SGCZ: variants seen among roughly 807,000 people sequenced by gnomAD.
The protein encoded by SGCZ is zeta-sarcoglycan.
Under a neutral mutation model 41.3 loss-of-function variants are expected in SGCZ, and 40 were observed. The observed-to-expected ratio is 0.97, with a 90% CI of 0.75 to 1.26. SGCZ has a LOEUF of 1.26. SGCZ is among the 50% of genes most tolerant of loss of function. SGCZ has a pLI of 0.00. For missense variants in SGCZ, 552 were observed against 369.8 expected (o/e 1.49, Z -4.04); for synonymous variants, 206 against 137.5 (o/e 1.50, Z -3.49).
chr8:14,714,221 C>T (rs987052521), intron 1 of SGCZ, among the ~76,000 whole-genome samples: 3 of 152,070 alleles, frequency 2.0e-5, no homozygotes, highest in Admixed American at 1.3e-4. Flanking sequence ...CCCGTCTCGG[C>T]CTCCCAAAGT....
intron 3 of SGCZ, among the ~76,000 whole-genome samples, chr8:14,307,252 A>G (rs1046668478): frequency 6.6e-6 from 1 of 152,130 alleles, no homozygotes; most frequent in African/African-American, 2.4e-5. Context: ...CAAAATTAAT[A>G]CTTTTGTAAT....
intron 1 of SGCZ, among the ~76,000 whole-genome samples, chr8:14,905,600 C>A (rs569194469): frequency 3.3e-5 from 5 of 152,036 alleles, no homozygotes; most frequent in African/African-American, 1.2e-4. Flanking sequence ...TGCCCACACA[C>A]AAACTAGGAA....
chr8:14,960,357 A>AT (rs200205300), intron 1 of SGCZ, among the ~76,000 whole-genome samples: 6,448 of 149,142 alleles, frequency 0.043, 376 homozygotes, highest in African/African-American at 0.13. Context: ...GGCCTCTCTG[A>AT]TTTTTTTTTT....
intron 1 of SGCZ, among the ~76,000 whole-genome samples, chr8:15,158,466 C>A (rs183850): frequency 0.65 from 98,378 of 152,068 alleles, 32,268 homozygotes; most frequent in East Asian, 0.79. Context: ...AAAAAGAATT[C>A]TTCAATATTT....
chr8:14,470,853 G>A (rs77745730), intron 2 of SGCZ, among the ~76,000 whole-genome samples: 1 of 152,086 alleles, frequency 6.6e-6, no homozygotes, highest in Non-Finnish European at 1.5e-5. Flanking sequence ...AAAATAGGCA[G>A]TTCTTTGTGT....
chr8:14,801,360 A>T (rs1001052257), intron 1 of SGCZ, among the ~76,000 whole-genome samples: 3 of 152,246 alleles, frequency 2.0e-5, no homozygotes, highest in African/African-American at 7.2e-5. Context: ...TTATGAGGAA[A>T]AAATCCTATG....
chr8:14,163,317 C>A (rs1474795444), intron 5 of SGCZ, among the ~76,000 whole-genome samples: 1 of 152,162 alleles, frequency 6.6e-6, no homozygotes, highest in Non-Finnish European at 1.5e-5. Flanking sequence ...TCTCCCTCCT[C>A]CCAACTTCCG....
chr8:14,337,377 G>T (rs891604364), intron 2 of SGCZ, among the ~76,000 whole-genome samples: 1 of 152,116 alleles, frequency 6.6e-6, no homozygotes, highest in Non-Finnish European at 1.5e-5. Context: ...GTATCAGCAA[G>T]ACGAGGGAGA....
intron 1 of SGCZ, among the ~76,000 whole-genome samples, chr8:15,222,692 G>A (rs919464970): frequency 2.0e-5 from 3 of 152,008 alleles, no homozygotes; most frequent in Non-Finnish European, 4.4e-5. Context: ...GGCTGGTCAA[G>A]GTCTTAGAAG....
chr8:14,762,996 A>G (rs2130362771), intron 1 of SGCZ, among the ~76,000 whole-genome samples: 1 of 152,376 alleles, frequency 6.6e-6, no homozygotes, highest in South Asian at 2.1e-4. Flanking sequence ...AAGCAGAATT[A>G]ACATCTAAGT....
At chr8:15,067,362 A>G (rs1805192194) in intron 1 of SGCZ, among the ~76,000 whole-genome samples, 1 of 152,238 alleles carries the variant, frequency 6.6e-6, no homozygotes, top group African/African-American at 2.4e-5. Context: ...CATGTGTTTT[A>G]GAACTAGAAG....
chr8:14,503,752 G>A (rs1342877306), intron 2 of SGCZ, among the ~76,000 whole-genome samples: 1 of 152,114 alleles, frequency 6.6e-6, no homozygotes. Context: ...TGGTGACAGA[G>A]CAAGACTCCA....
chr8:14,238,134 T>A (rs959190406), intron 3 of SGCZ, among the ~76,000 whole-genome samples: 1 of 152,220 alleles, frequency 6.6e-6, no homozygotes, highest in African/African-American at 2.4e-5. Context: ...CTTTCAATCC[T>A]CAAACTCCCA....
At chr8:14,819,318 T>C (rs1336088243) in intron 1 of SGCZ, among the ~76,000 whole-genome samples, 1 of 152,132 alleles carries the variant, frequency 6.6e-6, no homozygotes, top group Non-Finnish European at 1.5e-5. Flanking sequence ...AGGTCTTTAC[T>C]TTTCCTTCAT....
chr8:14,994,926 G>T (rs1338357681), intron 1 of SGCZ, among the ~76,000 whole-genome samples: 1 of 152,130 alleles, frequency 6.6e-6, no homozygotes, highest in Non-Finnish European at 1.5e-5. Context: ...CACCTTTCCT[G>T]CCAAACTATT....
Position 14,169,754 on chromosome 8 carries a change from C to G in SGCZ, c.425-5052G>C, listed in dbSNP as rs534673583. Among the ~76,000 whole-genome samples, 24 of 152,214 alleles carry G rather than the reference C, an allele frequency of 1.6e-4. No individual in the cohort carries two copies. In the South Asian group the frequency reaches 5.0e-3, roughly 32 times the overall value. On this transcript the variant is annotated intron_variant, in intron 4 of 7. Transcript: ENST00000382080. ...AGTTGACTCCAACACTCTCTTGATA[C>G]AAGTTTTGAAAAAGAGGCATATTTT...
At chr8:14,150,484 G>T (rs1395165549) in intron 5 of SGCZ, among the ~76,000 whole-genome samples, 3 of 152,130 alleles carry the variant, frequency 2.0e-5, no homozygotes, top group African/African-American at 7.2e-5. Flanking sequence ...CATCTTACCT[G>T]TTAAAATGGC....
intron 5 of SGCZ, among the ~76,000 whole-genome samples, chr8:14,150,585 G>C (rs12542351): frequency 6.6e-6 from 1 of 152,096 alleles, no homozygotes; most frequent in South Asian, 2.1e-4. Flanking sequence ...ATGTAAATTA[G>C]TAAAACCACT....
In SGCZ at chr8:14,638,681, T is replaced by C. The variant is rs536773523; in HGVS notation, c.40-83755A>G. 2.0e-5 allele frequency among the ~76,000 whole-genome samples: 3 copies of C among 151,886 alleles called. No homozygotes were observed. The South Asian group carries it at 6.2e-4, about 32-fold the overall frequency. On this transcript the variant is annotated intron_variant, in intron 1 of 7. Transcript: ENST00000382080. ...CTGTAGCTCCTGAGGCTCTGCTCAGTTGTTTTCTCCCCTGACAGATATCTC... is the reference window on the plus strand; with the variant it reads ...CTGTAGCTCCTGAGGCTCTGCTCAGCTGTTTTCTCCCCTGACAGATATCTC...
Sources: allele counts gnomAD v4.1 joint callset (sites outside exome capture counted in the v4.1 genomes callset), GRCh38; gene constraint gnomAD v4.1.1; transcripts MANE v1.5; gene names NCBI Gene and HGNC (gene_info 2026-07-23, HGNC 2026-07-21).